Variants in PID1 observed in about 807,000 individuals in gnomAD.
The protein encoded by PID1 is PTB-containing, cubilin and LRP1-interacting protein.
Under a neutral mutation model 19.1 loss-of-function variants are expected in PID1, and 10 were observed. The observed-to-expected ratio is 0.52, with a 90% CI of 0.32 to 0.89. The LOEUF (loss-of-function observed/expected upper bound fraction) is 0.89, where lower values mean the gene tolerates loss of function less well. PID1 is among the 40% of genes least tolerant of loss of function. The pLI, the probability that PID1 is intolerant of heterozygous loss-of-function variation, is 0.03. For synonymous variants in PID1, 130 were observed against 116.0 expected, an observed-to-expected ratio of 1.12 and a Z score of -0.78; for missense variants, 248 against 285.3, an observed-to-expected ratio of 0.87 and a Z score of 0.94.
intron 2 of PID1, among the ~76,000 whole-genome samples, chr2:229,094,555 G>A (rs1694937453): frequency 6.6e-6 from 1 of 152,074 alleles, no homozygotes; most frequent in South Asian, 2.1e-4. Context: ...AAAGGATATA[G>A]TAACCAAAAC....
chr2:229,113,443 C>T (rs986456499), intron 2 of PID1, among the ~76,000 whole-genome samples: 11 of 90,964 alleles, frequency 1.2e-4, no homozygotes, highest in South Asian at 2.8e-4. Flanking sequence ...CATATATATA[C>T]ACACACAAAC....
intron 1 of PID1, among the ~76,000 whole-genome samples, chr2:229,180,381 T>C (rs1038055339): frequency 1.3e-5 from 2 of 152,160 alleles, no homozygotes; most frequent in African/African-American, 4.8e-5. Flanking sequence ...AATAAGTATG[T>C]GCTAACATTA....
chr2:229,123,383 C>CT (rs1695561486), intron 2 of PID1, among the ~76,000 whole-genome samples: 1 of 152,160 alleles, frequency 6.6e-6, no homozygotes, highest in Non-Finnish European at 1.5e-5. Flanking sequence ...AAATAATAGA[C>CT]TATTTTATGG....
intron 2 of PID1, among the ~76,000 whole-genome samples, chr2:229,118,672 C>T (rs1695457310): frequency 1.3e-5 from 2 of 152,158 alleles, no homozygotes; most frequent in Non-Finnish European, 1.5e-5. Flanking sequence ...CACAGACATG[C>T]TTGCTGGCTA....
chr2:229,132,976 C>CTTTAAT (rs1689776234), intron 2 of PID1, among the ~76,000 whole-genome samples: 2 of 152,028 alleles, frequency 1.3e-5, no homozygotes, highest in African/African-American at 4.8e-5. Context: ...ATGCTTTGTG[C>CTTTAAT]TTTAATTTTT....
At chr2:229,087,520 G>A (rs753850963) in intron 2 of PID1, among the ~76,000 whole-genome samples, 1 of 152,168 alleles carries the variant, frequency 6.6e-6, no homozygotes, top group South Asian at 2.1e-4. Flanking sequence ...GGCTGCATGG[G>A]TGTGTTCATG....
intron 1 of PID1, among the ~76,000 whole-genome samples, chr2:229,233,824 G>A (rs910865164): frequency 2.0e-5 from 3 of 152,134 alleles, no homozygotes; most frequent in East Asian, 1.9e-4. Flanking sequence ...ATTATACAAC[G>A]AGGAAACCTC....
chr2:229,148,851 T>G (rs1248498160), intron 2 of PID1, among the ~76,000 whole-genome samples: 1 of 151,904 alleles, frequency 6.6e-6, no homozygotes, highest in Non-Finnish European at 1.5e-5. Flanking sequence ...AATAAAAGCT[T>G]GTCTCTGAAA....
chr2:229,093,670 A>C (rs1173227569), intron 2 of PID1, among the ~76,000 whole-genome samples: 1 of 152,220 alleles, frequency 6.6e-6, no homozygotes, highest in Non-Finnish European at 1.5e-5. Context: ...GTGATTCACC[A>C]CATAAACAGA....
At chr2:229,248,456 C>T (rs1311192251) in intron 1 of PID1, among the ~76,000 whole-genome samples, 2 of 152,170 alleles carry the variant, frequency 1.3e-5, no homozygotes, top group African/African-American at 4.8e-5. Context: ...TTCCATTGGA[C>T]TTTTCCAGTG....
At chr2:229,242,891 T>C (rs932043588) in intron 1 of PID1, among the ~76,000 whole-genome samples, 4 of 152,142 alleles carry the variant, frequency 2.6e-5, no homozygotes, top group Admixed American at 6.6e-5. Context: ...CCTCATGTGA[T>C]GTGCTCACTC....
Position 229,135,032 on chromosome 2 carries a change from A to G in PID1, c.177+20786T>C, listed in dbSNP as rs1689831191. 1.3e-5 allele frequency among the ~76,000 whole-genome samples: 2 copies of G among 152,222 alleles called. 1 individual carries two copies. Among genetic ancestry groups the G allele is most frequent in the Admixed American group, 1.3e-4 (2 of 15,280 alleles). On this transcript the variant is annotated intron_variant, in intron 2 of 2. Coordinates refer to ENST00000392055, the MANE Select transcript of PID1 (RefSeq NM_001100818.2). ...AGATGGGGAATAAAGAAGAGGAGAA[A>G]ATAAGAGAGAGAAGGCAAAAATAAG...
chr2:229,260,064 G>C (rs1690415650), intron 1 of PID1, among the ~76,000 whole-genome samples: 1 of 152,080 alleles, frequency 6.6e-6, no homozygotes, highest in South Asian at 2.1e-4. Context: ...AGACACTAGT[G>C]AACTATCTTC....
chr2:229,246,885 T>G (rs1349781648), intron 1 of PID1, among the ~76,000 whole-genome samples: 1 of 152,048 alleles, frequency 6.6e-6, no homozygotes, highest in Non-Finnish European at 1.5e-5. Flanking sequence ...ATTTAGCAAT[T>G]TGCAAAATGG....
At chr2:229,052,395 C>A (rs1187800143) in intron 2 of PID1, among the ~76,000 whole-genome samples, 1 of 152,088 alleles carries the variant, frequency 6.6e-6, no homozygotes, top group African/African-American at 2.4e-5. Flanking sequence ...ATTAAATATT[C>A]TGTTTTAAAG....
chr2:229,127,187 G>A (rs1179388459), intron 2 of PID1, among the ~76,000 whole-genome samples: 1 of 152,232 alleles, frequency 6.6e-6, no homozygotes, highest in Non-Finnish European at 1.5e-5. Flanking sequence ...GTGTGTCCAG[G>A]AGGAAAGGGG....
At chr2:229,043,982 T>G (rs1243884735) in intron 2 of PID1, among the ~76,000 whole-genome samples, 1 of 152,206 alleles carries the variant, frequency 6.6e-6, no homozygotes, top group Non-Finnish European at 1.5e-5. Context: ...TCTGGGCCCC[T>G]TCCATATTTC....
At chr2:229,036,978 T>C (rs1040322924) in intron 2 of PID1, among the ~76,000 whole-genome samples, 1 of 152,174 alleles carries the variant, frequency 6.6e-6, no homozygotes, top group African/African-American at 2.4e-5. Flanking sequence ...GGTTTGTTTT[T>C]CTAAATGGAA....
intron 2 of PID1, among the ~76,000 whole-genome samples, chr2:229,139,057 G>GAGAA (rs10701076): frequency 0.074 from 3,310 of 45,030 alleles, 229 homozygotes; most frequent in Middle Eastern, 0.1. Flanking sequence ...AAGAAAGAAA[G>GAGAA]AGAAAGAAAG....
Sources: allele counts gnomAD v4.1 joint callset (sites outside exome capture counted in the v4.1 genomes callset), GRCh38; gene constraint gnomAD v4.1.1; transcripts MANE v1.5; gene names NCBI Gene and HGNC (gene_info 2026-07-23, HGNC 2026-07-21).